The following TLN2 variants were observed in gnomAD, a reference collection of about 807,000 sequenced individuals.
TLN2 encodes talin 2.
A neutral mutation model predicts 294.7 loss-of-function variants in TLN2; 118 were observed. The ratio of observed to expected loss-of-function variants is 0.40; its 90% CI spans 0.34 to 0.47. The LOEUF is 0.47. TLN2 is among the 20% of genes least tolerant of loss of function. The probability of loss-of-function intolerance (pLI) is 0.84; values close to 1 mark genes in which losing one functional copy is unlikely to be tolerated. For missense variants in TLN2, 3,083 were observed against 3,282.2 expected (o/e 0.94, Z 1.48); for synonymous variants, 1,431 against 1,304.5 (o/e 1.10, Z -2.09).
intron 28 of TLN2, among the ~76,000 whole-genome samples, chr15:62,731,283 T>C (rs978546074): frequency 2.8e-5 from 4 of 143,618 alleles, no homozygotes; most frequent in African/African-American, 1.0e-4. Context: ...TTGTCAGGGA[T>C]TTTTTTTTTT....
chr15:62,607,822 G>A (rs1280880078), intron 2 of TLN2, among the ~76,000 whole-genome samples: 1 of 152,180 alleles, frequency 6.6e-6, no homozygotes, highest in Non-Finnish European at 1.5e-5. Flanking sequence ...ATGCCATGGG[G>A]AGTGCACCCA....
At chr15:62,729,579 A>G (rs2060610016) in intron 28 of TLN2, among the ~76,000 whole-genome samples, 2 of 152,158 alleles carry the variant, frequency 1.3e-5, no homozygotes, top group Non-Finnish European at 2.9e-5. Context: ...TGTGTGCATG[A>G]CATACCTTTT....
chr15:62,773,162 G>A (rs2063463564), intron 42 of TLN2, among the ~76,000 whole-genome samples: 1 of 145,036 alleles, frequency 6.9e-6, no homozygotes, highest in African/African-American at 2.6e-5. Flanking sequence ...TGTTGCCCAG[G>A]CTCATCACAA....
intron 19 of TLN2, among the ~76,000 whole-genome samples, chr15:62,703,956 A>G (rs2058895014): frequency 6.6e-6 from 1 of 152,198 alleles, no homozygotes; most frequent in Non-Finnish European, 1.5e-5. Flanking sequence ...CTGGTGGGCC[A>G]GTGCCCTTTA....
At position 62,800,738 on chromosome 15, in the gene TLN2, C is replaced by T; in HGVS notation, c.6446C>T (p.Ala2149Val). The part of the protein sequence containing the change: ...EATRGTRALE[A>V]TIECIKQELT... The stretch of plus-strand genomic sequence containing the variant: ...ACCCGGGGCACCAGGGCGCTTGAGG[C>T]CACAATTGAATGCATAAAGCAGGAG... The change falls in exon 50 of 59, where the codon GCC (alanine) becomes GTC (valine). Residue 2149 changes from alanine to valine, a missense_variant. Ala to Val is a moderately conservative substitution (Grantham distance 64). Coordinates refer to ENST00000636159, the MANE Select transcript of TLN2 (RefSeq NM_015059.3). 1 of 1,613,326 alleles carries T rather than the reference C, an allele frequency of 6.2e-7. No homozygotes were observed. Among genetic ancestry groups the T allele is most frequent in the Non-Finnish European group, 8.5e-7 (1 of 1,179,666 alleles).
intron 2 of TLN2, among the ~76,000 whole-genome samples, chr15:62,591,394 G>A (rs1176178267): frequency 6.6e-6 from 1 of 152,100 alleles, no homozygotes; most frequent in Non-Finnish European, 1.5e-5. Context: ...AGGAAAGAAA[G>A]GTACTTTACC....
chr15:62,422,694 G>C (rs914522449), intron 1 of TLN2, among the ~76,000 whole-genome samples: 1 of 152,092 alleles, frequency 6.6e-6, no homozygotes, highest in Non-Finnish European at 1.5e-5. Context: ...CCACAGGAAG[G>C]CTCCAGAACC....
chr15:62,695,936 C>T (rs1462122736), intron 14 of TLN2, among the ~76,000 whole-genome samples: 1 of 152,220 alleles, frequency 6.6e-6, no homozygotes, highest in East Asian at 1.9e-4. Flanking sequence ...CCTGGGATCA[C>T]TGTAGCCTCC....
At chr15:62,489,088 C>T (rs1259249517) in intron 1 of TLN2, among the ~76,000 whole-genome samples, 2 of 152,044 alleles carry the variant, frequency 1.3e-5, no homozygotes, top group Non-Finnish European at 2.9e-5. Context: ...TTGAACCTGG[C>T]AGGGTGAGGT....
chr15:62,450,067 T>C (rs1305617420), intron 1 of TLN2, among the ~76,000 whole-genome samples: 1 of 152,106 alleles, frequency 6.6e-6, no homozygotes, highest in Non-Finnish European at 1.5e-5. Context: ...CCAACTTACT[T>C]TCCTAATGTT....
intron 1 of TLN2, among the ~76,000 whole-genome samples, chr15:62,537,165 C>T (rs765661794): frequency 1.3e-3 from 205 of 152,180 alleles, no homozygotes; most frequent in Non-Finnish European, 2.6e-3. Flanking sequence ...ACTACAGGCA[C>T]CTGCCACCAC....
At chr15:62,472,647 G>A (rs1194671035) in intron 1 of TLN2, among the ~76,000 whole-genome samples, 1 of 152,172 alleles carries the variant, frequency 6.6e-6, no homozygotes, top group Non-Finnish European at 1.5e-5. Flanking sequence ...AGTTTTTTTG[G>A]ATGACATACT....
At chr15:62,776,303 T>C (rs530445350) in intron 42 of TLN2, among the ~76,000 whole-genome samples, 5 of 152,314 alleles carry the variant, frequency 3.3e-5, no homozygotes, top group African/African-American at 1.2e-4. Context: ...TCTACAAATA[T>C]ATTTCCCATA....
At chr15:62,771,990 AC>A (rs1365790202) in intron 42 of TLN2, among the ~76,000 whole-genome samples, 2 of 152,152 alleles carry the variant, frequency 1.3e-5, no homozygotes, top group Non-Finnish European at 2.9e-5. Flanking sequence ...ATCATGTCTT[AC>A]TGTATTGCCC....
Position 62,840,737 on chromosome 15 carries a change from C to A in TLN2, c.*127C>A. The A allele has an allele frequency of 7.5e-7, 1 of 1,325,444 alleles. No homozygotes were observed. Among genetic ancestry groups the A allele is most frequent in the Non-Finnish European group, 1.0e-6 (1 of 986,886 alleles). 82.1% of individuals were successfully genotyped at this position (1,325,444 alleles called of 1,614,324 possible). Reference sequence around the variant, plus strand: ...CCTCCCGGGTGAGCCTGGAGCCCTGCGTGCTTGTTCTCACATCTCTGTCCC... The same window carrying A: ...CCTCCCGGGTGAGCCTGGAGCCCTGAGTGCTTGTTCTCACATCTCTGTCCC... On this transcript the variant is annotated 3_prime_UTR_variant, in exon 59 of 59. Transcript: ENST00000636159.
Position 62,756,845 on chromosome 15 carries a change from A to G in TLN2, c.4638+1152A>G, listed in dbSNP as rs147507395. 1.0e-3 allele frequency among the ~76,000 whole-genome samples: 153 copies of G among 152,118 alleles called. 3 individuals are homozygous for G. In the East Asian group the frequency reaches 0.027, roughly 26 times the overall value. On this transcript the variant is annotated intron_variant, in intron 37 of 58. Transcript: ENST00000636159. ...CTAGTTGGAAGCTGGCAGTCAGCAC[A>G]TGGGGCTCGCACCCCAGTCAGCAGC...
At chr15:62,488,674 A>G (rs2038542162) in intron 1 of TLN2, among the ~76,000 whole-genome samples, 1 of 152,206 alleles carries the variant, frequency 6.6e-6, no homozygotes, top group Non-Finnish European at 1.5e-5. Flanking sequence ...AGCCTTTATA[A>G]TGTAATATTA....
rs866283246 is a variant in TLN2, at chr15:62,557,295, T to C, written c.-237-32392T>C. 3.3e-5 allele frequency among the ~76,000 whole-genome samples: 5 copies of C among 152,290 alleles called. 1 individual carries two copies. The East Asian group carries it at 5.8e-4, about 18-fold the overall frequency. ...GGCCCTAAGAGCCAGTTGGTAGGGC[T>C]GAAATTGAGAAAATCTTCACTAATT... On this transcript the variant is annotated intron_variant, in intron 1 of 58. Coordinates refer to ENST00000636159, the MANE Select transcript of TLN2 (RefSeq NM_015059.3).
intron 18 of TLN2, 75 bp downstream of exon 18, chr15:62,702,275 G>A (rs1419340561): frequency 8.9e-6 from 13 of 1,458,906 alleles, no homozygotes; most frequent in Non-Finnish European, 1.2e-5. Flanking sequence ...TGGGGCTCTT[G>A]CTTCCCGAGC....
Sources: allele counts gnomAD v4.1 joint callset (sites outside exome capture counted in the v4.1 genomes callset), GRCh38; gene constraint gnomAD v4.1.1; transcripts MANE v1.5; gene names NCBI Gene and HGNC (gene_info 2026-07-23, HGNC 2026-07-21).